FAM81B: variants seen among roughly 807,000 people sequenced by gnomAD.
FAM81B encodes the protein family with sequence similarity 81 member B.
In FAM81B, 60 loss-of-function variants were observed where a neutral mutation model predicts 58.7. The observed-to-expected ratio is 1.02, with a 90% CI of 0.83 to 1.27. FAM81B has a LOEUF of 1.27. FAM81B is among the 50% of genes most tolerant of loss of function. The probability of loss-of-function intolerance (pLI) is 0.00; values close to 1 mark genes in which losing one functional copy is unlikely to be tolerated. For synonymous variants in FAM81B, 189 were observed against 179.6 expected, an observed-to-expected ratio of 1.05 and a Z score of -0.42; for missense variants, 491 against 522.0, an observed-to-expected ratio of 0.94 and a Z score of 0.58.
chr5:95,416,174 G>C (rs1018825520), intron 4 of FAM81B, among the ~76,000 whole-genome samples: 1 of 152,180 alleles, frequency 6.6e-6, no homozygotes, highest in Non-Finnish European at 1.5e-5. Flanking sequence ...GCTACCTTTA[G>C]TAAATAACTA....
At chr5:95,411,631 C>T (rs1229218330) in intron 3 of FAM81B, among the ~76,000 whole-genome samples, 7 of 152,136 alleles carry the variant, frequency 4.6e-5, no homozygotes, top group South Asian at 2.1e-4. Flanking sequence ...AACACCATGA[C>T]GATAACCTAA....
chr5:95,440,874 C>T (rs982683242), intron 7 of FAM81B, among the ~76,000 whole-genome samples: 5 of 152,168 alleles, frequency 3.3e-5, no homozygotes, highest in Admixed American at 2.6e-4. Context: ...AGAGCTGCTG[C>T]AGGCCAGGGC....
chr5:95,447,288 G>C (rs574727354), intron 8 of FAM81B, among the ~76,000 whole-genome samples: 1 of 152,154 alleles, frequency 6.6e-6, no homozygotes, highest in South Asian at 2.1e-4. Flanking sequence ...CAGTCCTGCA[G>C]GTGACTAAAG....
chr5:95,394,007 A>G (rs1052923162), intron 2 of FAM81B, among the ~76,000 whole-genome samples: 2 of 152,168 alleles, frequency 1.3e-5, no homozygotes, highest in African/African-American at 4.8e-5. Flanking sequence ...AAAAATTTAA[A>G]TACTGTCTTA....
At chr5:95,401,192 C>T (rs1163324444) in intron 3 of FAM81B, among the ~76,000 whole-genome samples, 1 of 152,160 alleles carries the variant, frequency 6.6e-6, no homozygotes, top group African/African-American at 2.4e-5. Context: ...TTTTGCTGAA[C>T]ATGAGGAGTC....
intron 3 of FAM81B, among the ~76,000 whole-genome samples, chr5:95,404,139 T>TG (rs1272727243): frequency 3.3e-5 from 5 of 152,312 alleles, no homozygotes; most frequent in African/African-American, 1.2e-4. Context: ...AAAGCAGCAC[T>TG]GGCTCAAAGA....
At chr5:95,422,173 G>C (rs1375112869) in intron 5 of FAM81B, among the ~76,000 whole-genome samples, 1 of 151,862 alleles carries the variant, frequency 6.6e-6, no homozygotes, top group Non-Finnish European at 1.5e-5. Flanking sequence ...TCTGGAGTGT[G>C]ACTTCATTTC....
intron 5 of FAM81B, 131 bp from the exon 6 acceptor site, chr5:95,428,472 T>C: frequency 8.9e-7 from 1 of 1,129,882 alleles, no homozygotes; most frequent in Non-Finnish European, 1.3e-6. Flanking sequence ...CTGAATACAC[T>C]CCTATATCTA....
At chr5:95,396,653 C>T (rs561358447) in intron 3 of FAM81B, 3 of 152,928 alleles carry the variant, frequency 2.0e-5, no homozygotes, top group African/African-American at 7.2e-5. Flanking sequence ...AGGGACAACT[C>T]CAGGCACTTG....
At chr5:95,439,601 A>C (rs1745249006) in intron 7 of FAM81B, among the ~76,000 whole-genome samples, 1 of 107,748 alleles carries the variant, frequency 9.3e-6, no homozygotes, top group Non-Finnish European at 1.7e-5. Context: ...AAAGTAAGAC[A>C]GGGTTATTTT....
At chr5:95,394,444 A>C (rs1761909982) in intron 2 of FAM81B, among the ~76,000 whole-genome samples, 2 of 152,158 alleles carry the variant, frequency 1.3e-5, no homozygotes, top group African/African-American at 4.8e-5. Context: ...CACACAGACC[A>C]GAGGGAGCAG....
intron 3 of FAM81B, among the ~76,000 whole-genome samples, chr5:95,407,408 A>ACACGCG (rs763715095): frequency 1.4e-5 from 2 of 147,306 alleles, no homozygotes; most frequent in African/African-American, 5.0e-5. Context: ...ACACACACAC[A>ACACGCG]CGCACACACA....
At chr5:95,434,193 G>A (rs1234002010) in intron 6 of FAM81B, among the ~76,000 whole-genome samples, 1 of 152,120 alleles carries the variant, frequency 6.6e-6, no homozygotes, top group Non-Finnish European at 1.5e-5. Flanking sequence ...GGCAGAAATC[G>A]AGGTGTCTGC....
chr5:95,402,697 G>A (rs1215149346), intron 3 of FAM81B, among the ~76,000 whole-genome samples: 1 of 152,156 alleles, frequency 6.6e-6, no homozygotes, highest in Non-Finnish European at 1.5e-5. Context: ...GCTGGCTTGG[G>A]TCTGCCCTCG....
At chr5:95,439,143 C>A (rs2152769282) in intron 7 of FAM81B, among the ~76,000 whole-genome samples, 1 of 148,308 alleles carries the variant, frequency 6.7e-6, no homozygotes, top group South Asian at 2.1e-4. Flanking sequence ...TTAGGACTAC[C>A]ACAAGAAACA....
chr5:95,438,921 A>T (rs533329596), intron 7 of FAM81B, among the ~76,000 whole-genome samples: 53 of 151,524 alleles, frequency 3.5e-4, no homozygotes, highest in Non-Finnish European at 6.6e-4. Flanking sequence ...CAGAGAAAGG[A>T]TATGTATATA....
At chr5:95,411,362 A>G (rs939874982) in intron 3 of FAM81B, among the ~76,000 whole-genome samples, 5 of 149,836 alleles carry the variant, frequency 3.3e-5, no homozygotes, top group Non-Finnish European at 7.5e-5. Context: ...CTTCACATTT[A>G]TAAAAGGAGA....
intron 5 of FAM81B, among the ~76,000 whole-genome samples, chr5:95,425,843 CTA>C (rs889561549): frequency 1.4e-5 from 2 of 147,160 alleles, no homozygotes; most frequent in African/African-American, 5.4e-5. Context: ...CAGATAATAT[CTA>C]AAGTTGGTAT....
chr5:95,413,638 A>T (rs907040847), intron 3 of FAM81B, among the ~76,000 whole-genome samples: 9 of 152,300 alleles, frequency 5.9e-5, no homozygotes, highest in African/African-American at 1.9e-4. Flanking sequence ...AATTTTTTCT[A>T]CGTTAAAGTA....
Sources: allele counts gnomAD v4.1 joint callset (sites outside exome capture counted in the v4.1 genomes callset), GRCh38; gene constraint gnomAD v4.1.1; transcripts MANE v1.5; gene names NCBI Gene and HGNC (gene_info 2026-07-23, HGNC 2026-07-21).